The following EPHA3 variants were observed in gnomAD, a reference collection of about 807,000 sequenced individuals.
EPHA3 encodes the protein EPH receptor A3, also known as ephrin type-A receptor 3.
Under a neutral mutation model 107.1 loss-of-function variants are expected in EPHA3, and 42 were observed. The ratio of observed to expected loss-of-function variants is 0.39; its 90% CI spans 0.31 to 0.51. EPHA3 has a LOEUF of 0.51. EPHA3 is among the 20% of genes least tolerant of loss of function. The pLI is 0.78. For missense variants in EPHA3, 1,183 were observed against 1,211.2 expected (o/e 0.98, Z 0.35); for synonymous variants, 461 against 424.8 (o/e 1.09, Z -1.05).
At chr3:89,221,840 A>T (rs1704383920) in intron 3 of EPHA3, among the ~76,000 whole-genome samples, 1 of 152,296 alleles carries the variant, frequency 6.6e-6, no homozygotes, top group East Asian at 1.9e-4. Flanking sequence ...TGCTTCTGCA[A>T]GTCACCATAA....
intron 5 of EPHA3, among the ~76,000 whole-genome samples, chr3:89,367,603 G>A (rs1465327768): frequency 6.6e-6 from 1 of 150,564 alleles, no homozygotes; most frequent in Non-Finnish European, 1.5e-5. Context: ...AAACTTCTTA[G>A]CCTCGAAATT....
chr3:89,168,854 A>C (rs1705140177), intron 2 of EPHA3, among the ~76,000 whole-genome samples: 1 of 152,150 alleles, frequency 6.6e-6, no homozygotes, highest in Non-Finnish European at 1.5e-5. Flanking sequence ...AAATTTAAAA[A>C]TTTAGAAATT....
intron 3 of EPHA3, among the ~76,000 whole-genome samples, chr3:89,283,866 T>A (rs1207687973): frequency 2.6e-5 from 4 of 152,100 alleles, no homozygotes; most frequent in Non-Finnish European, 5.9e-5. Context: ...AAATGGAATA[T>A]GTTTTGTCTT....
At chr3:89,454,351 T>G (rs2107559627) in intron 15 of EPHA3, among the ~76,000 whole-genome samples, 1 of 152,238 alleles carries the variant, frequency 6.6e-6, no homozygotes, top group Admixed American at 6.5e-5. Flanking sequence ...ACTGCCTAAT[T>G]AATTGCATAC....
chr3:89,204,970 GGT>G (rs1380097957), intron 2 of EPHA3, among the ~76,000 whole-genome samples: 5 of 152,106 alleles, frequency 3.3e-5, no homozygotes, highest in Non-Finnish European at 7.4e-5. Flanking sequence ...CGCAGAAATT[GGT>G]GTTTCTTATA....
chr3:89,370,306 A>G (rs1576341087), intron 5 of EPHA3, among the ~76,000 whole-genome samples: 1 of 151,840 alleles, frequency 6.6e-6, no homozygotes, highest in Non-Finnish European at 1.5e-5. Flanking sequence ...GCACATATAC[A>G]CCATGGAATA....
intron 3 of EPHA3, among the ~76,000 whole-genome samples, chr3:89,260,555 A>G (rs566764852): frequency 2.0e-4 from 30 of 152,100 alleles, no homozygotes; most frequent in African/African-American, 7.0e-4. Flanking sequence ...ATTGAGTTGT[A>G]GGGTTTTTTA....
At chr3:89,429,068 C>T (rs770028161) in intron 11 of EPHA3, 38 bp from the exon 12 acceptor site, 2 of 1,389,914 alleles carry the variant, frequency 1.4e-6, no homozygotes, top group Non-Finnish European at 1.0e-6. Context: ...AATACTTGAA[C>T]TGTACTGATT....
intron 4 of EPHA3, 141 bp downstream of exon 4, chr3:89,341,212 T>A (rs1170130165): frequency 2.2e-5 from 19 of 848,506 alleles, no homozygotes; most frequent in Non-Finnish European, 3.5e-5. Flanking sequence ...TCTGCTTCAC[T>A]CCCCATGCTT....
At chr3:89,429,820 A>G (rs911196653) in intron 12 of EPHA3, among the ~76,000 whole-genome samples, 3 of 151,744 alleles carry the variant, frequency 2.0e-5, no homozygotes, top group Admixed American at 6.6e-5. Context: ...CAATGGTGCA[A>G]TGGTGCAATC....
At chr3:89,429,708 A>ATCTG (rs1709528200) in intron 12 of EPHA3, among the ~76,000 whole-genome samples, 1 of 148,076 alleles carries the variant, frequency 6.8e-6, no homozygotes, top group Non-Finnish European at 1.5e-5. Context: ...CTATCTATCT[A>ATCTG]TCTATCTATC....
chr3:89,138,509 C>T (rs1008102137), intron 2 of EPHA3, among the ~76,000 whole-genome samples: 2 of 151,978 alleles, frequency 1.3e-5, no homozygotes, highest in East Asian at 3.9e-4. Context: ...ATAAGGTTGT[C>T]TGGGAAATGA....
At chr3:89,448,883 T>C (rs989714687) in intron 13 of EPHA3, among the ~76,000 whole-genome samples, 3 of 152,110 alleles carry the variant, frequency 2.0e-5, no homozygotes, top group Admixed American at 2.0e-4. Flanking sequence ...ATACCTCTTT[T>C]AATTCTAATA....
At chr3:89,219,251 C>T (rs1242739781) in intron 3 of EPHA3, among the ~76,000 whole-genome samples, 1 of 151,990 alleles carries the variant, frequency 6.6e-6, no homozygotes, top group East Asian at 1.9e-4. Flanking sequence ...GCAACCTCCA[C>T]CTCCCAGGTT....
At chr3:89,291,048 C>T (rs763205619) in intron 3 of EPHA3, among the ~76,000 whole-genome samples, 5 of 152,062 alleles carry the variant, frequency 3.3e-5, no homozygotes, top group Non-Finnish European at 5.9e-5. Context: ...TCTTTATATA[C>T]CCTTTGTAGT....
chr3:89,358,172 A>T (rs1176063970), intron 5 of EPHA3, among the ~76,000 whole-genome samples: 1 of 151,146 alleles, frequency 6.6e-6, no homozygotes, highest in Non-Finnish European at 1.5e-5. Flanking sequence ...TGAACAGGAT[A>T]GTCTTTTTCT....
chr3:89,366,022 A>G (rs1708178550), intron 5 of EPHA3, among the ~76,000 whole-genome samples: 1 of 150,768 alleles, frequency 6.6e-6, no homozygotes, highest in Non-Finnish European at 1.5e-5. Context: ...TGCAAGGAAA[A>G]CAAACCAGTT....
chr3:89,203,331 AAAAC>A (rs1186778549), intron 2 of EPHA3, among the ~76,000 whole-genome samples: 4 of 83,242 alleles, frequency 4.8e-5, no homozygotes, highest in African/African-American at 9.7e-5. Flanking sequence ...AATTAAAAAA[AAAAC>A]AAAACAAAAC....
At chr3:89,130,404 A>C (rs1223696996) in intron 2 of EPHA3, among the ~76,000 whole-genome samples, 2 of 152,164 alleles carry the variant, frequency 1.3e-5, no homozygotes, top group Non-Finnish European at 2.9e-5. Flanking sequence ...AAATTTTAAA[A>C]AATAAATAAG....
Sources: allele counts gnomAD v4.1 joint callset (sites outside exome capture counted in the v4.1 genomes callset), GRCh38; gene constraint gnomAD v4.1.1; transcripts MANE v1.5; gene names NCBI Gene and HGNC (gene_info 2026-07-23, HGNC 2026-07-21).